TBPL1: variants seen among roughly 807,000 people sequenced by gnomAD.
The protein encoded by TBPL1 is TATA box-binding protein-like 1.
In TBPL1, 4 loss-of-function variants were observed where a neutral mutation model predicts 22.1. The observed-to-expected ratio is 0.18, with a 90% CI of 0.09 to 0.41. TBPL1 has a LOEUF of 0.41. Among genes scored for constraint, TBPL1 ranks in the 10% least tolerant of loss-of-function variants. TBPL1 has a pLI of 1.00. For missense variants in TBPL1, 115 were observed against 222.3 expected, an observed-to-expected ratio of 0.52 and a Z score of 3.07; for synonymous variants, 64 against 71.0, an observed-to-expected ratio of 0.90 and a Z score of 0.50.
At chr6:133,974,259 C>G (rs1323600239) in intron 1 of TBPL1, among the ~76,000 whole-genome samples, 1 of 152,114 alleles carries the variant, frequency 6.6e-6, no homozygotes, top group African/African-American at 2.4e-5. Flanking sequence ...TTAACTAGTT[C>G]CTTTTCATTG....
intron 6 of TBPL1, chr6:133,985,867 T>C (rs1253821459): frequency 6.6e-6 from 1 of 152,176 alleles, no homozygotes; most frequent in East Asian, 1.9e-4. Flanking sequence ...ACGAGTCTGT[T>C]TGTTCCCTTC....
chr6:133,960,798 C>G (rs1583809256), intron 1 of TBPL1, among the ~76,000 whole-genome samples: 2 of 152,168 alleles, frequency 1.3e-5, no homozygotes, highest in East Asian at 3.9e-4. Flanking sequence ...GTGGAATTAG[C>G]TGTAGGCTAT....
In TBPL1 at chr6:133,974,529, G is replaced by A. The variant is rs542441632; in HGVS notation, c.-44-5553G>A. On this transcript the variant is annotated intron_variant, in intron 1 of 6. Coordinates refer to ENST00000237264, the MANE Select transcript of TBPL1 (RefSeq NM_004865.4). ...TTGTATTTTTAGACGGGGTTTCACC[G>A]TGTTGGTCAGGCTGGTCTCAAACTC... Among the ~76,000 whole-genome samples the A allele has an allele frequency of 4.1e-4, 62 of 152,242 alleles. 1 individual carries two copies. The highest frequency in any genetic ancestry group is 1.4e-3 in the African/African-American group (57 of 41,556).
At chr6:133,963,946 C>CG (rs1362112092) in intron 1 of TBPL1, among the ~76,000 whole-genome samples, 115 of 151,294 alleles carry the variant, frequency 7.6e-4, no homozygotes, top group African/African-American at 2.7e-3. Flanking sequence ...GAGGCTGAGG[C>CG]GGGAGAATGG....
chr6:133,972,852 A>G (rs1449576570), intron 1 of TBPL1, among the ~76,000 whole-genome samples: 1 of 152,192 alleles, frequency 6.6e-6, no homozygotes, highest in Non-Finnish European at 1.5e-5. Context: ...TGGCATGGAT[A>G]ATAATATTTA....
At chr6:133,961,918 A>T (rs1776032405) in intron 1 of TBPL1, among the ~76,000 whole-genome samples, 1 of 152,176 alleles carries the variant, frequency 6.6e-6, no homozygotes, top group Non-Finnish European at 1.5e-5. Flanking sequence ...TTCCACTGAA[A>T]TACAACTGCC....
chr6:133,956,137 A>G (rs1362673098), intron 1 of TBPL1, among the ~76,000 whole-genome samples: 10 of 152,214 alleles, frequency 6.6e-5, no homozygotes, highest in African/African-American at 2.2e-4. Flanking sequence ...CTGTTTCATC[A>G]TAGACCATGT....
chr6:133,976,624 C>T (rs1351215773), intron 1 of TBPL1, among the ~76,000 whole-genome samples: 1 of 152,006 alleles, frequency 6.6e-6, no homozygotes, highest in Non-Finnish European at 1.5e-5. Context: ...CTGTTTAACC[C>T]ATCGATAAAT....
chr6:133,972,264 T>G (rs943469361), intron 1 of TBPL1, among the ~76,000 whole-genome samples: 1 of 152,210 alleles, frequency 6.6e-6, no homozygotes, highest in African/African-American at 2.4e-5. Flanking sequence ...AACAGTAATT[T>G]CATAATTTCA....
intron 1 of TBPL1, among the ~76,000 whole-genome samples, chr6:133,962,778 C>A (rs1583810847): frequency 6.6e-6 from 1 of 152,120 alleles, no homozygotes; most frequent in African/African-American, 2.4e-5. Flanking sequence ...ATGAAAAAAA[C>A]AATGGCCTTC....
chr6:133,969,652 G>T lies in TBPL1; in HGVS notation c.-44-10430G>T, dbSNP rs369345995. ...AACTTGGTAAAATTTTCTTCATGTGGCTAGACTATAAAAATGCCAACCCTG... is the reference window on the plus strand; with the variant it reads ...AACTTGGTAAAATTTTCTTCATGTGTCTAGACTATAAAAATGCCAACCCTG... On this transcript the variant is annotated intron_variant, in intron 1 of 6. Transcript: ENST00000237264. Among the ~76,000 whole-genome samples the T allele has an allele frequency of 5.5e-4, 84 of 152,146 alleles. 2 individuals are homozygous for T. The highest frequency in any genetic ancestry group is 1.9e-3 in the African/African-American group (80 of 41,506).
Position 133,965,025 on chromosome 6 carries a change from A to G in TBPL1, c.-45+11600A>G, listed in dbSNP as rs117995888. The stretch of plus-strand genomic sequence containing the variant: ...ACACCCTTGAAATAAATCAGAATAT[A>G]GAGAGGCTTGATCTTGATGCATGCC... On this transcript the variant is annotated intron_variant, in intron 1 of 6. Transcript: ENST00000237264. 7.6e-3 allele frequency among the ~76,000 whole-genome samples: 1,152 copies of G among 152,346 alleles called. 7 individuals are homozygous for G. Among genetic ancestry groups the G allele is most frequent in the Non-Finnish European group, 0.012 (850 of 68,022 alleles).
At chr6:133,978,539 A>C (rs570392009) in intron 1 of TBPL1, among the ~76,000 whole-genome samples, 2 of 152,180 alleles carry the variant, frequency 1.3e-5, no homozygotes, top group Admixed American at 1.3e-4. Flanking sequence ...ATCAGTTCCT[A>C]TTGTCACCCC....
chr6:133,980,410 A>C, intron 2 of TBPL1, 150 bp downstream of exon 2: 1 of 841,562 alleles, frequency 1.2e-6, no homozygotes, highest in South Asian at 3.3e-5. Flanking sequence ...TGTAAAAGCA[A>C]TCCCTCCTCT....
At chr6:133,980,043 C>T (rs1192083360) in intron 1 of TBPL1, 39 bp from the exon 2 acceptor site, 4 of 1,317,082 alleles carry the variant, frequency 3.0e-6, no homozygotes, top group Non-Finnish European at 3.0e-6. Flanking sequence ...GAATTAACAA[C>T]ATTTAAGTTT....
At chr6:133,957,442 G>GT (rs1176455745) in intron 1 of TBPL1, among the ~76,000 whole-genome samples, 1 of 152,144 alleles carries the variant, frequency 6.6e-6, no homozygotes, top group African/African-American at 2.4e-5. Flanking sequence ...GTATGTTTTT[G>GT]TTTTTTAACT....
At chr6:133,976,422 G>A (rs2114368734) in intron 1 of TBPL1, among the ~76,000 whole-genome samples, 1 of 152,258 alleles carries the variant, frequency 6.6e-6, no homozygotes, top group East Asian at 1.9e-4. Flanking sequence ...AGGGGAAATA[G>A]GTGATTCTGG....
rs568463773 is a variant in TBPL1, at chr6:133,982,042, T to C, written c.136-526T>C. The stretch of plus-strand genomic sequence containing the variant: ...CAATATAAAGTAGTGATGGGTACCA[T>C]GAAGCAGCAGAAAGCAGAATTAGGA... On this transcript the variant is annotated intron_variant, in intron 2 of 6. Transcript: ENST00000237264. Among the ~76,000 whole-genome samples, 15 of 152,308 alleles carry C rather than the reference T, an allele frequency of 9.8e-5. No individual in the cohort carries two copies. The South Asian group carries it at 2.7e-3, about 27-fold the overall frequency.
intron 1 of TBPL1, among the ~76,000 whole-genome samples, chr6:133,977,726 A>G (rs1776338832): frequency 6.6e-6 from 1 of 152,178 alleles, no homozygotes. Context: ...TCTCATACTC[A>G]TGAGGTCTAG....
Sources: allele counts gnomAD v4.1 joint callset (sites outside exome capture counted in the v4.1 genomes callset), GRCh38; gene constraint gnomAD v4.1.1; transcripts MANE v1.5; gene names NCBI Gene and HGNC (gene_info 2026-07-23, HGNC 2026-07-21).